TIAM1: variants seen among roughly 807,000 people sequenced by gnomAD.
TIAM1 encodes the protein rho guanine nucleotide exchange factor TIAM1.
TIAM1 carries 65 observed loss-of-function variants against 163.5 expected under a neutral mutation model. The observed-to-expected ratio is 0.40, with a 90% confidence interval of 0.33 to 0.49. The LOEUF (loss-of-function observed/expected upper bound fraction) is 0.49. Ranked by LOEUF, TIAM1 falls within the 20% of genes least tolerant of loss-of-function variation. TIAM1 has a pLI of 0.77. For missense variants in TIAM1, 1,789 were observed against 2,044.7 expected, an observed-to-expected ratio of 0.87 and a Z score of 2.41; for synonymous variants, 833 against 810.1, an observed-to-expected ratio of 1.03 and a Z score of -0.48.
intron 2 of TIAM1, among the ~76,000 whole-genome samples, chr21:31,407,612 T>C (rs990075736): frequency 6.6e-6 from 1 of 150,720 alleles, no homozygotes; most frequent in Non-Finnish European, 1.5e-5. Flanking sequence ...CCTTTTCAAA[T>C]GAGTCATTTG....
rs562713322 is a variant in TIAM1, at chr21:31,495,556, T to C, written c.-421-31521A>G. Among the ~76,000 whole-genome samples, 3 of 152,256 alleles carry C rather than the reference T, an allele frequency of 2.0e-5. No individual in the cohort carries two copies. The East Asian group carries it at 5.8e-4, about 29-fold the overall frequency. ...TTAAAGGCCCCACCTCCCAACACCA[T>C]CATACTAGAAACACCTGAATTTTGG... On this transcript the variant is annotated intron_variant, in intron 1 of 28. Coordinates refer to the TIAM1 transcript ENST00000286827.
chr21:31,183,312 G>C (rs1190465160), intron 14 of TIAM1, among the ~76,000 whole-genome samples: 1 of 152,174 alleles, frequency 6.6e-6, no homozygotes, highest in Non-Finnish European at 1.5e-5. Flanking sequence ...CCAAGGGAAC[G>C]ACCATGAACA....
At chr21:31,221,118 G>C (rs1296632305) in intron 8 of TIAM1, among the ~76,000 whole-genome samples, 1 of 152,102 alleles carries the variant, frequency 6.6e-6, no homozygotes, top group African/African-American at 2.4e-5. Flanking sequence ...AAAATCCCAG[G>C]GGTCAAATGA....
chr21:31,528,887 A>C (rs1005139347), intron 1 of TIAM1, among the ~76,000 whole-genome samples: 1 of 151,686 alleles, frequency 6.6e-6, no homozygotes. Flanking sequence ...CTTTCAGGAA[A>C]CTGGAAGAAT....
At chr21:31,554,714 C>A (rs2048813936) in intron 1 of TIAM1, among the ~76,000 whole-genome samples, 2 of 152,098 alleles carry the variant, frequency 1.3e-5, no homozygotes, top group Non-Finnish European at 2.9e-5. Flanking sequence ...GTACCCCCAC[C>A]CCCTCCACCT....
chr21:31,434,167 G>A (rs913076184), intron 2 of TIAM1, among the ~76,000 whole-genome samples: 1 of 152,016 alleles, frequency 6.6e-6, no homozygotes, highest in African/African-American at 2.4e-5. Flanking sequence ...AAAATATATT[G>A]CAGAACTTCT....
At chr21:31,254,401 T>G (rs2085340159) in intron 4 of TIAM1, among the ~76,000 whole-genome samples, 1 of 152,202 alleles carries the variant, frequency 6.6e-6, no homozygotes, top group African/African-American at 2.4e-5. Flanking sequence ...TCTGTCTAAA[T>G]ATTCAGTCTC....
At chr21:31,472,782 G>T (rs532564722) in intron 1 of TIAM1, among the ~76,000 whole-genome samples, 260 of 152,258 alleles carry the variant, frequency 1.7e-3, no homozygotes, top group African/African-American at 6.0e-3. Context: ...CTGTTAAATG[G>T]GGATAATAAC....
chr21:31,207,152 A>C (rs186916398), intron 11 of TIAM1, among the ~76,000 whole-genome samples: 1 of 152,356 alleles, frequency 6.6e-6, no homozygotes, highest in East Asian at 1.9e-4. Flanking sequence ...TTATTTTTGT[A>C]GTTGTAACGA....
chr21:31,142,256 T>C (rs1328142855), intron 20 of TIAM1, among the ~76,000 whole-genome samples: 1 of 151,904 alleles, frequency 6.6e-6, no homozygotes, highest in African/African-American at 2.4e-5. Flanking sequence ...AAACCTACAT[T>C]CTGAACACTC....
intron 6 of TIAM1, among the ~76,000 whole-genome samples, chr21:31,228,222 A>T (rs1220465887): frequency 0.083 from 866 of 10,426 alleles, 15 homozygotes; most frequent in East Asian, 0.28. Flanking sequence ...CCTTTTTTTA[A>T]AAAAAAAAAA....
At chr21:31,536,178 T>C in intron 1 of TIAM1, among the ~76,000 whole-genome samples, 1 of 152,184 alleles carries the variant, frequency 6.6e-6, no homozygotes, top group East Asian at 1.9e-4. Context: ...CATTCACTCC[T>C]CACAACCATC....
Position 31,464,846 on chromosome 21 carries a change from A to G in TIAM1, c.-421-811T>C, listed in dbSNP as rs948371333. 1.4e-3 allele frequency among the ~76,000 whole-genome samples: 65 copies of G among 47,180 alleles called. 1 individual carries two copies. Among genetic ancestry groups the G allele is most frequent in the East Asian group, 6.9e-3 (18 of 2,616 alleles). The allele number at this position is 47,180 out of a possible 152,430, so 31.0% of individuals were successfully genotyped here. On this transcript the variant is annotated intron_variant, in intron 1 of 28. Coordinates refer to the TIAM1 transcript ENST00000286827. The stretch of plus-strand genomic sequence containing the variant: ...TGATAGAGCAAGCTTCCGTCTCGGG[A>G]AAAAAAAAAAAAAAAAAGCCAGATG...
chr21:31,466,359 A>G (rs1334430741), intron 1 of TIAM1, among the ~76,000 whole-genome samples: 2 of 152,192 alleles, frequency 1.3e-5, no homozygotes, highest in Non-Finnish European at 2.9e-5. Flanking sequence ...CTTAGACAAC[A>G]AGGATAGGGA....
Position 31,390,186 on chromosome 21 carries a change from G to C in TIAM1, c.-368-50764C>G, listed in dbSNP as rs919753889. 3.3e-5 allele frequency among the ~76,000 whole-genome samples: 5 copies of C among 152,214 alleles called. No homozygotes were observed. In the East Asian group the frequency reaches 9.6e-4, roughly 29 times the overall value. ...TTATGGACATAATGTTTTCAGTTTT[G>C]ATTAAATAATTAATGATGTAAAAAC... On this transcript the variant is annotated intron_variant, in intron 2 of 28. Coordinates refer to the TIAM1 transcript ENST00000286827.
intron 27 of TIAM1, 186 bp downstream of exon 27, chr21:31,124,336 G>C: frequency 1.5e-6 from 1 of 666,062 alleles, no homozygotes; most frequent in Non-Finnish European, 2.3e-6. Context: ...GATACAGGGC[G>C]GATCCCCAGG....
At chr21:31,248,564 T>A (rs114069150) in intron 5 of TIAM1, among the ~76,000 whole-genome samples, 1,717 of 152,282 alleles carry the variant, frequency 0.011, 13 homozygotes, top group African/African-American at 0.026. Flanking sequence ...AATCTTTTTT[T>A]AAAAAAATCA....
At chr21:31,303,149 T>C (rs1246609294) in intron 2 of TIAM1, among the ~76,000 whole-genome samples, 1 of 152,168 alleles carries the variant, frequency 6.6e-6, no homozygotes, top group Non-Finnish European at 1.5e-5. Flanking sequence ...AGTTACTTTA[T>C]AAATACTGAT....
intron 27 of TIAM1, among the ~76,000 whole-genome samples, chr21:31,121,405 T>C (rs913155440): frequency 1.3e-5 from 2 of 152,184 alleles, no homozygotes; most frequent in African/African-American, 4.8e-5. Flanking sequence ...AGTTACTTGT[T>C]TTCTGGGAAC....
Sources: allele counts gnomAD v4.1 joint callset (sites outside exome capture counted in the v4.1 genomes callset), GRCh38; gene constraint gnomAD v4.1.1; transcripts MANE v1.5; gene names NCBI Gene and HGNC (gene_info 2026-07-23, HGNC 2026-07-21).